Variants in LUZP2 observed in about 807,000 individuals in gnomAD.
LUZP2 encodes the protein leucine zipper protein 2.
In LUZP2, 52 loss-of-function variants were observed where a neutral mutation model predicts 51.6. That is an observed-to-expected ratio of 1.01 (90% CI 0.81 to 1.27). The LOEUF (loss-of-function observed/expected upper bound fraction) is 1.27. Among genes scored for constraint, LUZP2 ranks in the 50% most tolerant of loss-of-function variants. The probability of loss-of-function intolerance (pLI) is 0.00; values close to 1 mark genes in which losing one functional copy is unlikely to be tolerated. For missense variants in LUZP2, 436 were observed against 395.4 expected, an observed-to-expected ratio of 1.10 and a Z score of -0.87; for synonymous variants, 154 against 137.3, an observed-to-expected ratio of 1.12 and a Z score of -0.85.
chr11:24,681,411 G>A (rs1206704193), intron 1 of LUZP2, among the ~76,000 whole-genome samples: 3 of 152,168 alleles, frequency 2.0e-5, no homozygotes. Context: ...ATAAGTGTAA[G>A]AGGAGATCTT....
chr11:25,041,159 G>A (rs1172418204), intron 9 of LUZP2, among the ~76,000 whole-genome samples: 1 of 151,952 alleles, frequency 6.6e-6, no homozygotes, highest in Non-Finnish European at 1.5e-5. Flanking sequence ...ATCTGCAGGG[G>A]ATATTTTCCA....
intron 9 of LUZP2, among the ~76,000 whole-genome samples, chr11:25,022,996 A>G (rs149106825): frequency 0.024 from 3,657 of 152,282 alleles, 60 homozygotes; most frequent in Non-Finnish European, 0.04. Context: ...CCAGGGATGA[A>G]GCCCACTTGA....
rs1006692843 is a variant in LUZP2, at chr11:25,079,661, G to A, written c.*1003G>A. The A allele has an allele frequency of 6.6e-6, 1 of 152,106 alleles. No individual in the cohort carries two copies. Among genetic ancestry groups the A allele is most frequent in the African/African-American group, 2.4e-5 (1 of 41,440 alleles). 9.4% of individuals were successfully genotyped at this position (152,106 alleles called of 1,614,324 possible). Reference sequence around the variant, plus strand: ...AAAAAAATGCACTCATGAATAATTGGAAGATAGCTCACAAGCAAGAGGAAT... The same window carrying A: ...AAAAAAATGCACTCATGAATAATTGAAAGATAGCTCACAAGCAAGAGGAAT... On this transcript the variant is annotated 3_prime_UTR_variant, in exon 12 of 12. Coordinates refer to ENST00000336930, the MANE Select transcript of LUZP2 (RefSeq NM_001009909.4).
chr11:24,809,201 G>A (rs540738352), intron 5 of LUZP2, among the ~76,000 whole-genome samples: 1 of 152,052 alleles, frequency 6.6e-6, no homozygotes, highest in Non-Finnish European at 1.5e-5. Flanking sequence ...ATATCACTTT[G>A]CCAAAACAAA....
chr11:24,996,597 AT>A (rs1490848477), intron 9 of LUZP2, among the ~76,000 whole-genome samples: 11 of 133,842 alleles, frequency 8.2e-5, no homozygotes, highest in African/African-American at 2.1e-4. Flanking sequence ...ATTTTATTTT[AT>A]TTTATTTTAT....
intron 9 of LUZP2, among the ~76,000 whole-genome samples, chr11:25,021,944 C>T (rs1046512734): frequency 1.3e-5 from 2 of 152,028 alleles, no homozygotes; most frequent in Non-Finnish European, 2.9e-5. Flanking sequence ...ACACTCATGT[C>T]TTCCACTCCA....
intron 5 of LUZP2, among the ~76,000 whole-genome samples, chr11:24,791,926 C>T (rs573647118): frequency 2.7e-5 from 4 of 150,518 alleles, no homozygotes; most frequent in African/African-American, 7.3e-5. Context: ...GAATTTTCTC[C>T]ATTTGCTCAG....
Position 24,764,490 on chromosome 11 carries a change from T to TAAAAAAAAAAAAAAAAAAAAAAAAAAAA in LUZP2, c.396+1208_396+1209insAAAAAAAAAAAAAAAAAAAAAAAAAAAA, listed in dbSNP as rs869045272. Among the ~76,000 whole-genome samples the TAAAAAAAAAAAAAAAAAAAAAAAAAAAA allele has an allele frequency of 4.4e-4, 41 of 94,034 alleles. 1 individual carries two copies. Among genetic ancestry groups the TAAAAAAAAAAAAAAAAAAAAAAAAAAAA allele is most frequent in the South Asian group, 8.1e-4 (2 of 2,468 alleles). 61.7% of individuals were successfully genotyped at this position (94,034 alleles called of 152,430 possible). A position where few individuals can be genotyped will look rare whatever the true frequency, so the allele number is the denominator to read the frequency against. On this transcript the variant is annotated intron_variant, in intron 5 of 11. Coordinates refer to ENST00000336930, the MANE Select transcript of LUZP2 (RefSeq NM_001009909.4). ...GGACAACATGGTAAAATCTCATCTC[T>TAAAAAAAAAAAAAAAAAAAAAAAAAAAA]AAAAAAAAAAAAAAAAAAAAAAAAA...
rs75550070 is a variant in LUZP2 at position 25,070,430 on chromosome 11, T to A, written c.859-6899T>A. Among the ~76,000 whole-genome samples, 1,057 of 151,970 alleles carry A rather than the reference T, an allele frequency of 7.0e-3. 35 individuals are homozygous for A. In the East Asian group the frequency reaches 0.1, roughly 14 times the overall value. ...AGGTTCAACTGACAAACCAGGCCCA[T>A]CTAGATAATCTCCATTTCTATTAAC... On this transcript the variant is annotated intron_variant, in intron 10 of 11. Transcript: ENST00000336930.
intron 9 of LUZP2, among the ~76,000 whole-genome samples, chr11:25,022,818 G>A (rs1242789312): frequency 6.6e-6 from 1 of 152,006 alleles, no homozygotes; most frequent in African/African-American, 2.4e-5. Context: ...TTTGAGATAC[G>A]TCCCATCAAT....
intron 1 of LUZP2, among the ~76,000 whole-genome samples, chr11:24,681,509 G>T (rs535994887): frequency 2.6e-5 from 4 of 152,200 alleles, no homozygotes; most frequent in East Asian, 1.9e-4. Context: ...CTTTCCTCAT[G>T]CATAGGAGAC....
At chr11:24,568,034 AT>A in intron 1 of LUZP2, among the ~76,000 whole-genome samples, 1 of 152,294 alleles carries the variant, frequency 6.6e-6, no homozygotes, top group African/African-American at 2.4e-5. Context: ...GTTGGACTGG[AT>A]TTTGAAAAAG....
chr11:24,735,313 A>T (rs1395011739), intron 3 of LUZP2, among the ~76,000 whole-genome samples: 1 of 151,902 alleles, frequency 6.6e-6, no homozygotes, highest in East Asian at 1.9e-4. Flanking sequence ...CCCCAGGTGA[A>T]TGGAGAGATT....
intron 1 of LUZP2, among the ~76,000 whole-genome samples, chr11:24,590,333 C>G (rs1853216441): frequency 6.6e-6 from 1 of 152,066 alleles, no homozygotes; most frequent in African/African-American, 2.4e-5. Context: ...AATTTGATGT[C>G]TTTGTGCATA....
intron 1 of LUZP2, among the ~76,000 whole-genome samples, chr11:24,726,840 A>G (rs1444966877): frequency 1.3e-5 from 2 of 152,080 alleles, no homozygotes; most frequent in Non-Finnish European, 2.9e-5. Context: ...GAAGATGAAC[A>G]TACACTCATT....
chr11:24,891,143 A>G, intron 5 of LUZP2: 1 of 984,610 alleles, frequency 1.0e-6, no homozygotes, highest in Non-Finnish European at 1.2e-6. Context: ...TATTTCCCCT[A>G]AAATTGACAA....
At chr11:24,933,543 T>C (rs1446679632) in intron 7 of LUZP2, among the ~76,000 whole-genome samples, 2 of 152,210 alleles carry the variant, frequency 1.3e-5, no homozygotes, top group Non-Finnish European at 2.9e-5. Context: ...TTTTTTCTAT[T>C]TGACCATGAT....
intron 5 of LUZP2, among the ~76,000 whole-genome samples, chr11:24,787,741 A>G (rs77201523): frequency 0.019 from 2,823 of 152,298 alleles, 49 homozygotes; most frequent in Non-Finnish European, 0.028. Context: ...TCAGGTTTAT[A>G]TATAATAGTT....
intron 6 of LUZP2, among the ~76,000 whole-genome samples, chr11:24,907,299 CA>C (rs71044324): frequency 0.012 from 1,271 of 103,758 alleles, 19 homozygotes; most frequent in African/African-American, 0.045. Flanking sequence ...AACACAAATA[CA>C]AAAAAAAAAA....
Sources: allele counts gnomAD v4.1 joint callset (sites outside exome capture counted in the v4.1 genomes callset), GRCh38; gene constraint gnomAD v4.1.1; transcripts MANE v1.5; gene names NCBI Gene and HGNC (gene_info 2026-07-23, HGNC 2026-07-21).